GFRA2: variants seen among roughly 807,000 people sequenced by gnomAD.
The protein encoded by GFRA2 is GDNF family receptor alpha-2.
GFRA2 carries 17 observed loss-of-function variants against 48.3 expected under a neutral mutation model. The observed-to-expected ratio is 0.35, with a 90% CI of 0.24 to 0.53. GFRA2 has a LOEUF of 0.53. Ranked by LOEUF, GFRA2 falls within the 20% of genes least tolerant of loss-of-function variation. The pLI, the probability that GFRA2 is intolerant of heterozygous loss-of-function variation, is 0.93. For missense variants in GFRA2, 660 were observed against 637.3 expected, an observed-to-expected ratio of 1.04 and a Z score of -0.38; for synonymous variants, 305 against 257.2, an observed-to-expected ratio of 1.19 and a Z score of -1.78.
intron 3 of GFRA2, among the ~76,000 whole-genome samples, chr8:21,758,303 C>T (rs940199107): frequency 2.6e-5 from 4 of 152,110 alleles, no homozygotes; most frequent in African/African-American, 9.7e-5. Flanking sequence ...CACCTAGGCA[C>T]GCCCTTCAAC....
At position 21,703,147 on chromosome 8, in the gene GFRA2, C is replaced by T. The variant is rs180772419; in HGVS notation, c.1046-170G>A. Among the ~76,000 whole-genome samples, 134 of 152,288 alleles carry T rather than the reference C, an allele frequency of 8.8e-4. 1 individual carries two copies. The Middle Eastern group carries it at 0.024, about 27-fold the overall frequency. On this transcript the variant is annotated intron_variant, in intron 6 of 8. Coordinates refer to ENST00000524240, the MANE Select transcript of GFRA2 (RefSeq NM_001495.5). ...CTCTGCTGAACCTCTTCTTCAGATA[C>T]CTACAAAGGTCTCACAGCTACAGAA...
intron 7 of GFRA2, among the ~76,000 whole-genome samples, chr8:21,697,130 G>A (rs1802239223): frequency 6.7e-6 from 1 of 148,476 alleles, no homozygotes; most frequent in East Asian, 2.0e-4. Context: ...GGAGAGAAGG[G>A]GGAGGGGACA....
intron 2 of GFRA2, among the ~76,000 whole-genome samples, chr8:21,800,059 A>T (rs1807744353): frequency 6.6e-6 from 1 of 152,168 alleles, no homozygotes. Context: ...CTGCTCTCCC[A>T]TTTCCTTTCA....
chr8:21,731,084 C>T (rs867808089), intron 4 of GFRA2, among the ~76,000 whole-genome samples: 4 of 152,102 alleles, frequency 2.6e-5, no homozygotes, highest in Non-Finnish European at 5.9e-5. Context: ...ATGTGATCCC[C>T]TCTTTCTGCC....
chr8:21,713,021 AGAGGGAGAGGGAGAC>A (rs1216290956), intron 4 of GFRA2, among the ~76,000 whole-genome samples: 2 of 143,362 alleles, frequency 1.4e-5, no homozygotes, highest in Non-Finnish European at 3.0e-5. Flanking sequence ...GAGACGAGGG[AGAGGGAGAGGGAGAC>A]GAGGGAGAGG....
Position 21,788,828 on chromosome 8 carries a change from T to G in GFRA2, c.-669A>C. 2.8e-5 allele frequency: 27 copies of G among 980,956 alleles called. No individual in the cohort carries two copies. Among genetic ancestry groups the G allele is most frequent in the Non-Finnish European group, 3.3e-5 (27 of 825,890 alleles). 60.8% of individuals were successfully genotyped at this position (980,956 alleles called of 1,614,324 possible). ...TGTGTCTTTCTCTCTCCTCTCTCTC[T>G]CTCTCCTCTCCCTCGCTCGCTCTTT... On this transcript the variant is annotated 5_prime_UTR_variant, in exon 1 of 9. Transcript: ENST00000524240.
chr8:21,695,927 A>G (rs112324998), intron 7 of GFRA2, among the ~76,000 whole-genome samples: 4,425 of 151,994 alleles, frequency 0.029, 207 homozygotes, highest in African/African-American at 0.1. Context: ...ACCCAGCGTC[A>G]CTTCCTACTC....
intron 4 of GFRA2, among the ~76,000 whole-genome samples, chr8:21,712,875 T>C (rs13269313): frequency 0.63 from 95,203 of 151,196 alleles, 30,756 homozygotes; most frequent in East Asian, 0.78. Context: ...GGCGTGGCGG[T>C]GCACGCCTGC....
rs767506969 is a variant in GFRA2 at position 21,705,951 on chromosome 8, G to T, written c.885C>A (p.Gly295=). The part of the protein sequence containing the change: ...CPADNYQACL[G]SYAGMIGFDM... ...GCTTACCAATCATGCCAGCATAAGA[G>T]CCCAGACACGCCTGGTAATTGTCCG... Residue 295 remains glycine (G), a synonymous_variant, in exon 5 of 9, where the codon GGC becomes GGA. Coordinates refer to ENST00000524240, the MANE Select transcript of GFRA2 (RefSeq NM_001495.5). 11 of 1,564,948 alleles carry T rather than the reference G, an allele frequency of 7.0e-6. No homozygotes were observed. The highest frequency in any genetic ancestry group is 9.5e-6 in the Non-Finnish European group (11 of 1,153,496).
intron 7 of GFRA2, among the ~76,000 whole-genome samples, chr8:21,700,613 C>A (rs576254368): frequency 6.6e-6 from 1 of 152,280 alleles, no homozygotes; most frequent in South Asian, 2.1e-4. Context: ...GCTGTCTTCA[C>A]CAGGCCTCTG....
intron 3 of GFRA2, among the ~76,000 whole-genome samples, chr8:21,773,246 G>A (rs1036736645): frequency 3.3e-5 from 5 of 152,226 alleles, no homozygotes; most frequent in Admixed American, 6.5e-5. Context: ...TGCCAGCATG[G>A]GAGCTGCTCT....
chr8:21,712,943 C>T (rs946609160), intron 4 of GFRA2, among the ~76,000 whole-genome samples: 41 of 151,878 alleles, frequency 2.7e-4, no homozygotes, highest in African/African-American at 9.9e-4. Flanking sequence ...TTGCAGTGAG[C>T]CGAGATGGCA....
At chr8:21,695,159 G>A (rs1802096835) in intron 7 of GFRA2, among the ~76,000 whole-genome samples, 1 of 152,212 alleles carries the variant, frequency 6.6e-6, no homozygotes, top group South Asian at 2.1e-4. Context: ...TGGGCAAGGT[G>A]AGGGACGAGA....
At chr8:21,785,462 TAAG>T (rs1457440205) in intron 1 of GFRA2, among the ~76,000 whole-genome samples, 1 of 152,160 alleles carries the variant, frequency 6.6e-6, no homozygotes, top group African/African-American at 2.4e-5. Context: ...CTAAGAATCC[TAAG>T]AGAGTGAAGG....
At chr8:21,779,782 A>G (rs775414117) in intron 2 of GFRA2, 4 of 152,122 alleles carry the variant, frequency 2.6e-5, no homozygotes, top group Non-Finnish European at 5.9e-5. Flanking sequence ...TTATTCCCAT[A>G]TTTAGAACAT....
chr8:21,778,416 T>G (rs1362002732), intron 2 of GFRA2, among the ~76,000 whole-genome samples: 1 of 152,092 alleles, frequency 6.6e-6, no homozygotes, highest in Non-Finnish European at 1.5e-5. Context: ...AGATGCAGTC[T>G]TCTATGGAAG....
chr8:21,764,511 T>C (rs1806061426), intron 3 of GFRA2, among the ~76,000 whole-genome samples: 1 of 152,224 alleles, frequency 6.6e-6, no homozygotes, highest in South Asian at 2.1e-4. Context: ...AGAAAATAGA[T>C]TTGGACAGAA....
Position 21,712,803 on chromosome 8 carries a change from G to A in GFRA2, c.795-6762C>T, listed in dbSNP as rs536209812. On this transcript the variant is annotated intron_variant, in intron 4 of 8. Transcript: ENST00000524240. ...GCGGATCACTCGCGGTTAGGAGCTGGAGACCAGCCCGGCCAACACAGCGAA... is the reference window on the plus strand; with the variant it reads ...GCGGATCACTCGCGGTTAGGAGCTGAAGACCAGCCCGGCCAACACAGCGAA... 3.6e-3 allele frequency among the ~76,000 whole-genome samples: 554 copies of A among 152,300 alleles called. 1 individual carries two copies. The highest frequency in any genetic ancestry group is 0.013 in the African/African-American group (540 of 41,574).
chr8:21,757,726 T>C (rs1459984387), intron 3 of GFRA2, among the ~76,000 whole-genome samples: 2 of 152,164 alleles, frequency 1.3e-5, no homozygotes, highest in Non-Finnish European at 2.9e-5. Context: ...GGTCTCGAAC[T>C]CCTGGCCTCT....
Sources: gnomAD v4.1 joint callset for allele counts (sites outside exome capture counted in the v4.1 genomes callset) on GRCh38, gnomAD v4.1.1 for gene constraint, MANE v1.5 for transcripts, NCBI Gene and HGNC (gene_info 2026-07-23, HGNC 2026-07-21) for gene names.